The following GRM8 variants were observed in gnomAD, a reference collection of about 807,000 sequenced individuals.
The protein encoded by GRM8 is glutamate metabotropic receptor 8.
A neutral mutation model predicts 87.2 loss-of-function variants in GRM8; 47 were observed. The observed-to-expected ratio is 0.54, with a 90% CI of 0.43 to 0.69. The LOEUF is 0.69. Ranked by LOEUF, GRM8 falls within the 30% of genes least tolerant of loss-of-function variation. GRM8 has a pLI of 0.00. For missense variants in GRM8, 1,019 were observed against 1,139.2 expected (o/e 0.89, Z 1.52); for synonymous variants, 396 against 404.5 (o/e 0.98, Z 0.25).
intron 9 of GRM8, among the ~76,000 whole-genome samples, chr7:126,504,316 A>G (rs1389316672): frequency 6.6e-6 from 1 of 152,084 alleles, no homozygotes; most frequent in East Asian, 1.9e-4. Context: ...AAAATTCACT[A>G]TTAGTTTCCT....
intron 8 of GRM8, among the ~76,000 whole-genome samples, chr7:126,543,440 G>A (rs1371244109): frequency 1.3e-5 from 2 of 152,212 alleles, no homozygotes; most frequent in Non-Finnish European, 2.9e-5. Flanking sequence ...TTCCTAAGAA[G>A]AGTAGAAGTC....
chr7:126,738,804 T>C (rs1487851371), intron 7 of GRM8, among the ~76,000 whole-genome samples: 2 of 149,588 alleles, frequency 1.3e-5, no homozygotes, highest in African/African-American at 5.0e-5. Context: ...ACTACAAATA[T>C]TTAATTGCTA....
intron 3 of GRM8, among the ~76,000 whole-genome samples, chr7:127,041,408 T>C (rs1818418540): frequency 6.6e-6 from 1 of 152,240 alleles, no homozygotes; most frequent in Non-Finnish European, 1.5e-5. Flanking sequence ...TTTATCAGTG[T>C]CTTCCTTGTA....
chr7:126,585,351 T>C (rs750966428), intron 8 of GRM8, among the ~76,000 whole-genome samples: 12 of 152,196 alleles, frequency 7.9e-5, no homozygotes, highest in African/African-American at 2.7e-4. Context: ...TTTCCAGTTA[T>C]GCTTTTCGTA....
chr7:127,055,666 T>TAC (rs34380122), intron 3 of GRM8, among the ~76,000 whole-genome samples: 38,904 of 151,788 alleles, frequency 0.26, 5,827 homozygotes, highest in Non-Finnish European at 0.35. Context: ...AATATTTATA[T>TAC]ATACACACAC....
intron 3 of GRM8, among the ~76,000 whole-genome samples, chr7:127,000,470 A>G (rs1285214334): frequency 6.6e-6 from 1 of 151,740 alleles, no homozygotes; most frequent in Non-Finnish European, 1.5e-5. Flanking sequence ...GACGATATAC[A>G]TTGCATGCCT....
chr7:127,220,222 C>G (rs890534117), intron 2 of GRM8, among the ~76,000 whole-genome samples: 1 of 152,088 alleles, frequency 6.6e-6, no homozygotes, highest in Admixed American at 6.5e-5. Context: ...TCTCACTAGC[C>G]CCCAGAGCTG....
At chr7:127,107,764 C>A (rs1215289215) in intron 2 of GRM8, among the ~76,000 whole-genome samples, 2 of 152,164 alleles carry the variant, frequency 1.3e-5, no homozygotes, top group East Asian at 3.9e-4. Context: ...ATAAACATTT[C>A]AACTCCACCC....
intron 8 of GRM8, among the ~76,000 whole-genome samples, chr7:126,583,249 G>T (rs1795779747): frequency 6.6e-6 from 1 of 152,034 alleles, no homozygotes; most frequent in African/African-American, 2.4e-5. Flanking sequence ...CCAGCTACTT[G>T]GAAGGCTGAG....
At chr7:126,687,792 A>G (rs1808350774) in intron 7 of GRM8, among the ~76,000 whole-genome samples, 1 of 151,860 alleles carries the variant, frequency 6.6e-6, no homozygotes, top group African/African-American at 2.4e-5. Context: ...ATACTTATAG[A>G]CAGATGTTGC....
chr7:126,787,409 C>G (rs984104368), intron 6 of GRM8, among the ~76,000 whole-genome samples: 5 of 152,120 alleles, frequency 3.3e-5, no homozygotes, highest in Non-Finnish European at 2.9e-5. Flanking sequence ...GTAGCAAAGG[C>G]CTACTTTCCT....
At position 127,243,138 on chromosome 7, in the gene GRM8, A is replaced by T; in HGVS notation, c.67T>A (p.Trp23Arg). 1 of 1,613,834 alleles carries T rather than the reference A, an allele frequency of 6.2e-7. No individual in the cohort carries two copies. Among genetic ancestry groups the T allele is most frequent in the Non-Finnish European group, 8.5e-7 (1 of 1,179,862 alleles). ...GTTCTTTGCATCATTGTGAGGATCC[A>T]GTAGAACTTGGCGGTCAAGAGGAAG... ...CFFLLTAKFY[W>R]ILTMMQRTHS... The change falls in exon 2 of 11, where the codon TGG becomes AGG. Residue 23 changes from tryptophan to arginine, a missense_variant. Trp to Arg is a moderately radical substitution (Grantham distance 101, BLOSUM62 -3). Transcript: ENST00000339582.
chr7:126,697,978 C>A (rs1043186190), intron 7 of GRM8, among the ~76,000 whole-genome samples: 2 of 152,084 alleles, frequency 1.3e-5, no homozygotes, highest in African/African-American at 4.8e-5. Flanking sequence ...AGTTGAGAAA[C>A]AATGCAAGCA....
At chr7:127,226,878 C>T (rs751462885) in intron 2 of GRM8, among the ~76,000 whole-genome samples, 2 of 152,190 alleles carry the variant, frequency 1.3e-5, no homozygotes, top group Non-Finnish European at 2.9e-5. Flanking sequence ...ACGCCTCCTA[C>T]GGGTGGGCTG....
chr7:126,653,225 C>G (rs1292343769), intron 7 of GRM8, among the ~76,000 whole-genome samples: 1 of 149,270 alleles, frequency 6.7e-6, no homozygotes, highest in Non-Finnish European at 1.5e-5. Flanking sequence ...TCACTTGATC[C>G]CAGGAGTTTG....
At chr7:127,103,887 T>A (rs1340700188) in intron 3 of GRM8, among the ~76,000 whole-genome samples, 2 of 152,174 alleles carry the variant, frequency 1.3e-5, no homozygotes, top group African/African-American at 4.8e-5. Flanking sequence ...AGATCTCAAC[T>A]AGGGAAGAGC....
intron 3 of GRM8, among the ~76,000 whole-genome samples, chr7:126,983,519 T>C (rs138725885): frequency 6.7e-6 from 1 of 148,988 alleles, no homozygotes; most frequent in Non-Finnish European, 1.5e-5. Context: ...AGTGACCCAC[T>C]AGCAAAATTT....
intron 3 of GRM8, among the ~76,000 whole-genome samples, chr7:127,070,013 T>G (rs1053680470): frequency 4.6e-5 from 7 of 152,220 alleles, no homozygotes; most frequent in Non-Finnish European, 1.5e-5. Context: ...CTATCAAATT[T>G]GAAAAATTAT....
At position 126,948,235 on chromosome 7, in the gene GRM8, C is replaced by A. The variant is rs149483439; in HGVS notation, c.728-43552G>T. On this transcript the variant is annotated intron_variant, in intron 3 of 10. Coordinates refer to ENST00000339582, the MANE Select transcript of GRM8 (RefSeq NM_000845.3). ...CTCTGAGAATCCAGAGGAAAGAATA[C>A]CTTACTCTGCATGAAGAGACAGGGA... Among the ~76,000 whole-genome samples, 249 of 152,004 alleles carry A rather than the reference C, an allele frequency of 1.6e-3. 1 individual carries two copies. Among genetic ancestry groups the A allele is most frequent in the African/African-American group, 5.8e-3 (241 of 41,440 alleles).
Sources: gnomAD v4.1 joint callset for allele counts (sites outside exome capture counted in the v4.1 genomes callset) on GRCh38, gnomAD v4.1.1 for gene constraint, MANE v1.5 for transcripts, NCBI Gene and HGNC (gene_info 2026-07-23, HGNC 2026-07-21) for gene names.